PP2D1: variants seen among roughly 807,000 people sequenced by gnomAD.
PP2D1 encodes protein phosphatase 2C-like domain-containing protein 1.
Under a neutral mutation model 30.2 loss-of-function variants are expected in PP2D1, and 25 were observed. The observed-to-expected ratio is 0.83, with a 90% CI of 0.60 to 1.16. The LOEUF (loss-of-function observed/expected upper bound fraction) is 1.16, where lower values mean the gene tolerates loss of function less well. Among genes scored for constraint, PP2D1 ranks in the 50% most tolerant of loss-of-function variants. PP2D1 has a pLI of 0.00. For synonymous variants in PP2D1, 260 were observed against 258.9 expected (o/e 1.00, Z -0.04); for missense variants, 760 against 742.4 (o/e 1.02, Z -0.28).
At chr3:19,999,003 A>C (rs1183185067) in intron 2 of PP2D1, among the ~76,000 whole-genome samples, 1 of 151,798 alleles carries the variant, frequency 6.6e-6, no homozygotes, top group Admixed American at 6.6e-5. Context: ...ACAGTTTAAC[A>C]CCATTGTATA....
intron 2 of PP2D1, among the ~76,000 whole-genome samples, chr3:19,996,309 A>G (rs1697179816): frequency 6.6e-6 from 1 of 152,152 alleles, no homozygotes; most frequent in Admixed American, 6.6e-5. Context: ...TTGAACAACT[A>G]TACCCTAACA....
At chr3:20,011,661 T>C (rs1421246590) in intron 1 of PP2D1, among the ~76,000 whole-genome samples, 2 of 151,998 alleles carry the variant, frequency 1.3e-5, no homozygotes, top group Non-Finnish European at 1.5e-5. Flanking sequence ...TAGCCGGGCA[T>C]GGTGGCAGCC....
intron 2 of PP2D1, among the ~76,000 whole-genome samples, chr3:20,000,421 A>G (rs1034266080): frequency 2.6e-5 from 4 of 152,210 alleles, no homozygotes; most frequent in Non-Finnish European, 5.9e-5. Context: ...CAATTTTGCT[A>G]AAAAGTTTTA....
chr3:19,985,504 T>C lies in PP2D1; in HGVS notation c.1769A>G (p.Tyr590Cys). ...GCTAACATACTCAGCTGCGCCTTCATAGAAACTCTTAGTGTCTGATTCTTT... is the reference window on the plus strand; with the variant it reads ...GCTAACATACTCAGCTGCGCCTTCACAGAAACTCTTAGTGTCTGATTCTTT... ...NEKESDTKSF[Y>C]EGAAEYVSHE... Residue 590 changes from tyrosine (Y) to cysteine (C), a missense_variant, in exon 3 of 3, where the codon TAT becomes TGT. Tyr to Cys is a radical substitution (Grantham distance 194). Coordinates refer to ENST00000389050, the MANE Select transcript of PP2D1 (RefSeq NM_001252657.2). 6.5e-7 allele frequency: 1 copy of C among 1,536,096 alleles called. No homozygotes were observed. The highest frequency in any genetic ancestry group is 1.4e-5 in the African/African-American group (1 of 73,178).
At position 20,001,219 on chromosome 3, in the gene PP2D1, T is replaced by C; in HGVS notation, c.901A>G (p.Arg301Gly). ...WRMDRLLGLG[R>G]KEVSRVQWSG... ...CATTGAACCCTGGACACTTCTTTTC[T>C]TCCAAGACCTAAAAGCCTATCCATT... The change falls in exon 2 of 3, where the codon AGA becomes GGA. Residue 301 changes from arginine to glycine, a missense_variant. Arg to Gly is a moderately radical substitution (Grantham distance 125, BLOSUM62 -2). This residue lies in a region of PP2D1 where 374 missense variants were observed against 388.8 expected (regional missense o/e 0.96). Transcript: ENST00000389050. 2 of 1,535,352 alleles carry C rather than the reference T, an allele frequency of 1.3e-6. No individual in the cohort carries two copies. Among genetic ancestry groups the C allele is most frequent in the Non-Finnish European group, 1.7e-6 (2 of 1,146,622 alleles).
intron 2 of PP2D1, among the ~76,000 whole-genome samples, chr3:19,987,012 G>A (rs1697047193): frequency 6.7e-6 from 1 of 149,712 alleles, no homozygotes; most frequent in South Asian, 2.1e-4. Context: ...ACTCCAGCCT[G>A]GGCAACAAGA....
chr3:19,985,880 C>T lies in PP2D1; in HGVS notation c.1393G>A (p.Glu465Lys), dbSNP rs12492875. 5.2e-6 allele frequency: 8 copies of T among 1,536,396 alleles called. No homozygotes were observed. The highest frequency in any genetic ancestry group is 1.7e-4 in the Middle Eastern group (1 of 5,994). ...NGLWEVLDKE[E>K]VTALAMTTFH... is the part of the protein sequence containing the mutation. ...GTTGTCATTGCCAGGGCAGTAACTTCCTCTTTATCCAAAACTTCCCAAAGT... is the reference window on the plus strand; with the variant it reads ...GTTGTCATTGCCAGGGCAGTAACTTTCTCTTTATCCAAAACTTCCCAAAGT... The change falls in exon 3 of 3, where the codon GAA becomes AAA. Residue 465 changes from glutamate to lysine, a missense_variant. Physicochemically the swap from Glu to Lys is moderately conservative, Grantham distance 56. Transcript: ENST00000389050.
chr3:20,004,694 G>A (rs1228371268), intron 1 of PP2D1, among the ~76,000 whole-genome samples: 1 of 151,838 alleles, frequency 6.6e-6, no homozygotes, highest in Non-Finnish European at 1.5e-5. Context: ...CGGCACCTGG[G>A]GCCATTTTTA....
downstream of PP2D1, among the ~76,000 whole-genome samples, chr3:19,983,009 C>T (rs1359044110): frequency 1.3e-5 from 2 of 152,076 alleles, no homozygotes; most frequent in African/African-American, 2.4e-5. Context: ...ACTGGCTGGC[C>T]ATCATCTTTA....
chr3:20,004,132 A>G (rs1466422268), intron 1 of PP2D1, among the ~76,000 whole-genome samples: 3 of 152,172 alleles, frequency 2.0e-5, no homozygotes, highest in Non-Finnish European at 4.4e-5. Flanking sequence ...TAAGTCCCCT[A>G]TTTTAAAATG....
intron 2 of PP2D1, among the ~76,000 whole-genome samples, chr3:19,986,628 T>C (rs1319159627): frequency 6.6e-6 from 1 of 152,220 alleles, no homozygotes; most frequent in East Asian, 1.9e-4. Context: ...GACAGTTGTG[T>C]AACCAGTACA....
chr3:19,999,499 A>G lies in PP2D1; in HGVS notation c.1090+1531T>C, dbSNP rs955888684. Among the ~76,000 whole-genome samples, 14 of 151,304 alleles carry G rather than the reference A, an allele frequency of 9.3e-5. No homozygotes were observed. The East Asian group carries it at 2.7e-3, about 29-fold the overall frequency. On this transcript the variant is annotated intron_variant, in intron 2 of 2. Transcript: ENST00000389050. ...CAGGCTCAAGCGATTCTCCTGCCTC[A>G]GCCTCCTGAGTAGCTGGGATTACAG...
intron 1 of PP2D1, among the ~76,000 whole-genome samples, chr3:20,005,041 G>A (rs967193239): frequency 6.6e-6 from 1 of 152,138 alleles, no homozygotes; most frequent in Non-Finnish European, 1.5e-5. Context: ...AGCCTGGGAG[G>A]TGGAAGCTGC....
intron 2 of PP2D1, among the ~76,000 whole-genome samples, chr3:19,996,626 A>C (rs1435527682): frequency 6.6e-6 from 1 of 152,178 alleles, no homozygotes; most frequent in Non-Finnish European, 1.5e-5. Context: ...AACACACAAC[A>C]ACAAAGAAGA....
At chr3:19,999,374 C>G (rs902671749) in intron 2 of PP2D1, among the ~76,000 whole-genome samples, 3 of 150,362 alleles carry the variant, frequency 2.0e-5, no homozygotes, top group African/African-American at 7.4e-5. Context: ...CCGCGCCCAG[C>G]CATTTTTTTA....
chr3:19,985,066 T>G, downstream of PP2D1: 1 of 253,420 alleles, frequency 3.9e-6, no homozygotes, highest in East Asian at 9.6e-5. Flanking sequence ...AGTGTTGGAC[T>G]GCTAGGAGAA....
chr3:19,985,746 A>G lies in PP2D1; in HGVS notation c.1527T>C (p.Ser509=), dbSNP rs2125136523. 1 of 1,536,050 alleles carries G rather than the reference A, an allele frequency of 6.5e-7. No individual in the cohort carries two copies. Among genetic ancestry groups the G allele is most frequent in the Non-Finnish European group, 8.7e-7 (1 of 1,146,834 alleles). ...TSEPNLTKSQ[S]NIHVLFQYKS... The stretch of plus-strand genomic sequence containing the variant: ...TATACTGAAACAATACGTGGATATT[A>G]CTCTGTGATTTAGTAAGGTTTGGTT... Residue 509 remains serine (S), a synonymous_variant, in exon 3 of 3, where the codon AGT becomes AGC. Transcript: ENST00000389050.
downstream of PP2D1, chr3:19,985,255 C>G: frequency 1.4e-6 from 1 of 714,742 alleles, no homozygotes; most frequent in South Asian, 2.0e-5. Context: ...CTAGTATCCG[C>G]TTTTATATTT....
chr3:19,985,632 A>T lies in PP2D1; in HGVS notation c.1641T>A (p.Pro547=). ...SNYSKYCIYN[P]ENVETFPAET... ...CTGCTGGAAATGTTTCTACATTCTCAGGGTTATAAATACAGTATTTAGAAT... is the reference window on the plus strand; with the variant it reads ...CTGCTGGAAATGTTTCTACATTCTCTGGGTTATAAATACAGTATTTAGAAT... The change falls in exon 3 of 3, where the codon CCT becomes CCA. Residue 547 remains proline, a synonymous_variant. Transcript: ENST00000389050. 6.5e-7 allele frequency: 1 copy of T among 1,536,006 alleles called. No individual in the cohort carries two copies. Among genetic ancestry groups the T allele is most frequent in the Non-Finnish European group, 8.7e-7 (1 of 1,146,766 alleles).
Sources: allele counts gnomAD v4.1 joint callset (sites outside exome capture counted in the v4.1 genomes callset), GRCh38; gene constraint gnomAD v4.1.1; regional missense constraint gnomAD v4.1.1; transcripts MANE v1.5; gene names NCBI Gene and HGNC (gene_info 2026-07-23, HGNC 2026-07-21).